Variants in CFAP410 observed in about 807,000 individuals in gnomAD.
CFAP410 encodes the protein cilia and flagella associated protein 410.
Under a neutral mutation model 25.7 loss-of-function variants are expected in CFAP410, and 27 were observed. That is an observed-to-expected ratio of 1.05 (90% CI 0.77 to 1.45). The LOEUF is 1.45. Ranked by LOEUF, CFAP410 falls within the 40% of genes most tolerant of loss-of-function variation. CFAP410 has a pLI of 0.00. For synonymous variants in CFAP410, 178 were observed against 158.4 expected, an observed-to-expected ratio of 1.12 and a Z score of -0.93; for missense variants, 428 against 354.1, an observed-to-expected ratio of 1.21 and a Z score of -1.67.
rs1457263136 is a variant in CFAP410 at position 44,333,051 on chromosome 21, G to A, written c.355C>T (p.Gln119Ter). The part of the protein sequence containing the change: ...MTVLRTLPRL[Q>*]KLDNQAVTEE... ...CACCTACCCTGGTTGTCCAGCTTCT[G>A]TAGGCGCGGCAGGGTGCGCAGCACG... The change falls in exon 4 of 7, where the codon CAG (glutamine) becomes TAG (stop). Residue 119 changes from glutamine to a stop codon, truncating the protein, a stop_gained. Transcript: ENST00000339818. LOFTEE classifies it high-confidence loss of function. 2.1e-5 allele frequency: 33 copies of A among 1,595,024 alleles called. No individual in the cohort carries two copies. Among genetic ancestry groups the A allele is most frequent in the Non-Finnish European group, 2.6e-5 (30 of 1,167,178 alleles).
chr21:44,335,347 G>A (rs757500697), intron 3 of CFAP410: 4 of 222,050 alleles, frequency 1.8e-5, no homozygotes, highest in Non-Finnish European at 3.6e-5. Flanking sequence ...GCACTGGGGG[G>A]CAGAAGAGGC....
chr21:44,331,909 G>C lies in CFAP410; in HGVS notation c.479C>G (p.Thr160Arg). 6.2e-7 allele frequency: 1 copy of C among 1,613,382 alleles called. No individual in the cohort carries two copies. The highest frequency in any genetic ancestry group is 8.5e-7 in the Non-Finnish European group (1 of 1,179,878). Reference sequence around the variant, plus strand: ...AGCAGCGGAGCTGAGGGAGCTCAGTGTGCAGCATAGCTTGGGGCCGCCGTG... The same window carrying C: ...AGCAGCGGAGCTGAGGGAGCTCAGTCTGCAGCATAGCTTGGGGCCGCCGTG... ...TGHGGPKLCC[T>R]LSSLSSAAET... Residue 160 changes from threonine to arginine, a missense_variant, in exon 5 of 7, where the codon ACA (threonine) becomes AGA (arginine). Thr to Arg is a moderately conservative substitution (Grantham distance 71). Transcript: ENST00000339818.
At chr21:44,336,554 T>C (rs80060465) in intron 2 of CFAP410, among the ~76,000 whole-genome samples, 11,057 of 152,204 alleles carry the variant, frequency 0.073, 1,309 homozygotes, top group African/African-American at 0.25. Flanking sequence ...CTCCCACATA[T>C]GTGAGAGCCC....
At chr21:44,332,367 A>G (rs1794187580) in intron 4 of CFAP410, 1 of 219,486 alleles carries the variant, frequency 4.6e-6, no homozygotes. Flanking sequence ...CCTGAAGTTT[A>G]TATTATTAAT....
At chr21:44,338,205 A>G in intron 1 of CFAP410, 1 of 1,112,260 alleles carries the variant, frequency 9.0e-7, no homozygotes, top group Non-Finnish European at 1.2e-6. Context: ...CAGAGAGAAA[A>G]GCTTTTTAAT....
At chr21:44,335,667 T>C in intron 3 of CFAP410, 91 bp downstream of exon 3, 2 of 1,001,000 alleles carry the variant, frequency 2.0e-6, no homozygotes, top group South Asian at 2.8e-5. Flanking sequence ...GTTTCCAGGT[T>C]ATGTCACAGT....
chr21:44,330,068 G>T lies in CFAP410; in HGVS notation c.*130C>A. 9.1e-7 allele frequency: 1 copy of T among 1,098,362 alleles called. No individual in the cohort carries two copies. Among genetic ancestry groups the T allele is most frequent in the Non-Finnish European group, 1.3e-6 (1 of 774,806 alleles). The allele number at this position is 1,098,362 out of a possible 1,614,324, so 68.0% of individuals were successfully genotyped here. A position where few individuals can be genotyped will look rare whatever the true frequency, so the allele number is the denominator to read the frequency against. On this transcript the variant is annotated 3_prime_UTR_variant, in exon 7 of 7. Transcript: ENST00000339818. ...CTAACACCCACTCCTGCCCTCGGCC[G>T]ATGTGGCAAACCGGGGAGGCTTTTG...
chr21:44,338,535 G>C (rs932704132), intron 1 of CFAP410: 2 of 285,706 alleles, frequency 7.0e-6, no homozygotes, highest in Admixed American at 4.6e-5. Flanking sequence ...GATTACCAAC[G>C]TGTTTCCTGA....
At chr21:44,337,368 A>G (rs1568992487) in intron 2 of CFAP410, among the ~76,000 whole-genome samples, 1 of 152,206 alleles carries the variant, frequency 6.6e-6, no homozygotes, top group Non-Finnish European at 1.5e-5. Flanking sequence ...CAAGTTCCAA[A>G]CTATTGCTCC....
At chr21:44,333,389 T>C (rs927457782) in intron 3 of CFAP410, 127 bp from the exon 4 acceptor site, 18 of 730,184 alleles carry the variant, frequency 2.5e-5, no homozygotes, top group Non-Finnish European at 3.9e-5. Context: ...GAAGCCTAAA[T>C]CGGATGTCAC....
At chr21:44,336,097 T>C (rs554355758) in intron 2 of CFAP410, among the ~76,000 whole-genome samples, 1 of 140,612 alleles carries the variant, frequency 7.1e-6, no homozygotes, top group African/African-American at 2.7e-5. Flanking sequence ...GCTCAGCCAG[T>C]GTGCCCAGGG....
At chr21:44,330,715 C>A (rs1263348973) in intron 6 of CFAP410, 108 bp downstream of exon 6, 16 of 1,549,200 alleles carry the variant, frequency 1.0e-5, no homozygotes, top group Non-Finnish European at 1.2e-5. Flanking sequence ...AGGCTCCATG[C>A]TCCCTCCCCA....
chr21:44,329,359 C>T lies in CFAP410; in HGVS notation c.*839G>A, dbSNP rs993729085. 3 of 152,282 alleles carry T rather than the reference C, an allele frequency of 2.0e-5. No individual in the cohort carries two copies. The highest frequency in any genetic ancestry group is 4.4e-5 in the Non-Finnish European group (3 of 68,082). The allele number at this position is 152,282 out of a possible 1,614,324, so 9.4% of individuals were successfully genotyped here. On this transcript the variant is annotated 3_prime_UTR_variant, in exon 7 of 7. Transcript: ENST00000339818. The stretch of plus-strand genomic sequence containing the variant: ...TCCTACACACCAGCTGGAAGGCTGA[C>T]TCCCCATCTCACGTGAATGCTTCCT...
intron 3 of CFAP410, chr21:44,333,757 G>A (rs1030165223): frequency 4.5e-5 from 14 of 311,904 alleles, no homozygotes; most frequent in Non-Finnish European, 8.2e-5. Flanking sequence ...TCTACAGAAC[G>A]TGGACGCGTC....
Position 44,330,219 on chromosome 21 carries a change from C to T in CFAP410, c.750G>A (p.Glu250=), listed in dbSNP as rs1266424290. The part of the protein sequence containing the change: ...GSRLQALRGE[E]VQEHAE ...GCGGTCACTCGGCGTGCTCCTGCAC[C>T]TCTTCCCCACGCAGGGCCTGCAGCC... Residue 250 remains glutamate (E), a synonymous_variant, in exon 7 of 7, where the codon GAG becomes GAA. Coordinates refer to ENST00000339818, the MANE Select transcript of CFAP410 (RefSeq NM_004928.3). 31 of 1,578,230 alleles carry T rather than the reference C, an allele frequency of 2.0e-5. No homozygotes were observed. The highest frequency in any genetic ancestry group is 2.7e-5 in the African/African-American group (2 of 74,432).
intron 6 of CFAP410, 137 bp from the exon 7 acceptor site, chr21:44,330,463 C>T (rs2070573): frequency 2.1e-5 from 32 of 1,529,646 alleles, no homozygotes; most frequent in Middle Eastern, 1.7e-4. Flanking sequence ...AGTGACTGAC[C>T]GGCACACTCG....
chr21:44,337,515 C>T, intron 2 of CFAP410, 134 bp downstream of exon 2: 3 of 687,774 alleles, frequency 4.4e-6, no homozygotes, highest in Non-Finnish European at 7.5e-6. Flanking sequence ...GAACAAAGTA[C>T]CAAGTGTGGG....
At chr21:44,334,513 G>A (rs796340740) in intron 3 of CFAP410, 147 of 114,366 alleles carry the variant, frequency 1.3e-3, no homozygotes, top group African/African-American at 6.2e-3. Context: ...GGGCGGGCAC[G>A]CGCACCCCCC....
At chr21:44,336,571 C>T (rs935139042) in intron 2 of CFAP410, among the ~76,000 whole-genome samples, 1 of 152,168 alleles carries the variant, frequency 6.6e-6, no homozygotes, top group Non-Finnish European at 1.5e-5. Context: ...GCCCACCATA[C>T]GCCAGGCATG....
Sources: gnomAD v4.1 joint callset for allele counts (sites outside exome capture counted in the v4.1 genomes callset) on GRCh38, gnomAD v4.1.1 for gene constraint, MANE v1.5 for transcripts, NCBI Gene and HGNC (gene_info 2026-07-23, HGNC 2026-07-21) for gene names.